The following PHACTR3 variants were observed in gnomAD, a reference collection of about 807,000 sequenced individuals.
The protein encoded by PHACTR3 is phosphatase and actin regulator 3, also known as protein phosphatase 1, regulatory subunit 123.
Under a neutral mutation model 66.8 loss-of-function variants are expected in PHACTR3, and 16 were observed. That is an observed-to-expected ratio of 0.24 (90% confidence interval 0.16 to 0.36). PHACTR3 has a LOEUF of 0.36. Among genes scored for constraint, PHACTR3 ranks in the 10% least tolerant of loss-of-function variants. PHACTR3 has a pLI of 1.00. For missense variants in PHACTR3, 647 were observed against 719.9 expected, an observed-to-expected ratio of 0.90 and a Z score of 1.16; for synonymous variants, 323 against 292.1, an observed-to-expected ratio of 1.11 and a Z score of -1.08.
chr20:59,653,347 G>C (rs1601013927), intron 1 of PHACTR3, among the ~76,000 whole-genome samples: 1 of 152,006 alleles, frequency 6.6e-6, no homozygotes, highest in African/African-American at 2.4e-5. Flanking sequence ...ACCATGCCTG[G>C]TTAATTTTTG....
At chr20:59,840,059 GAC>G (rs2059030845) in intron 9 of PHACTR3, among the ~76,000 whole-genome samples, 1 of 152,148 alleles carries the variant, frequency 6.6e-6, no homozygotes, top group Non-Finnish European at 1.5e-5. Context: ...GAGAAAGACA[GAC>G]ACAGAGGTGT....
intron 7 of PHACTR3, among the ~76,000 whole-genome samples, chr20:59,781,285 G>A (rs919628059): frequency 1.3e-5 from 2 of 152,174 alleles, no homozygotes; most frequent in South Asian, 2.1e-4. Context: ...ACAGGCTGGC[G>A]GGGACCTTTG....
At chr20:59,587,188 C>T (rs1227297708) in intron 1 of PHACTR3, among the ~76,000 whole-genome samples, 1 of 152,242 alleles carries the variant, frequency 6.6e-6, no homozygotes, top group African/African-American at 2.4e-5. Flanking sequence ...GGATGGTTCT[C>T]TCCACCTGTC....
intron 1 of PHACTR3, among the ~76,000 whole-genome samples, chr20:59,711,347 A>G (rs192750073): frequency 6.6e-6 from 1 of 152,268 alleles, no homozygotes; most frequent in East Asian, 1.9e-4. Context: ...CTTGACACAC[A>G]TTGCCAAACG....
chr20:59,744,945 G>C (rs1018295563), intron 2 of PHACTR3, among the ~76,000 whole-genome samples: 4 of 152,198 alleles, frequency 2.6e-5, no homozygotes, highest in African/African-American at 9.6e-5. Flanking sequence ...GGCTCAGCTA[G>C]GTGGGCGGGT....
At position 59,806,119 on chromosome 20, in the gene PHACTR3, A is replaced by T. The variant is rs751031948; in HGVS notation, c.1253A>T (p.Asp418Val). Residue 418 changes from aspartate (D) to valine (V), a missense_variant, in exon 8 of 13, where the codon GAC (aspartate) becomes GTC (valine). Physicochemically the swap from Asp to Val is radical, Grantham distance 152. Around this residue, in one of 2 missense-constraint regions of PHACTR3, gnomAD observed 577 missense variants for 571.1 expected, o/e 1.01. Transcript: ENST00000371015. ...CGGCCAAGCAAACAGGAACTAGAAG[A>T]CCGGAACATTTTCCCCAGAAGGACT... ...RNRPSKQELEDRNIFPRRTDE... is the reference protein window; with the variant it reads ...RNRPSKQELEVRNIFPRRTDE... 1 of 1,614,226 alleles carries T rather than the reference A, an allele frequency of 6.2e-7. No homozygotes were observed. Among genetic ancestry groups the T allele is most frequent in the Non-Finnish European group, 8.5e-7 (1 of 1,180,038 alleles).
chr20:59,821,591 G>C (rs1455932986), intron 8 of PHACTR3, among the ~76,000 whole-genome samples: 1 of 152,202 alleles, frequency 6.6e-6, no homozygotes, highest in African/African-American at 2.4e-5. Context: ...GGCATAAGAA[G>C]GGGAGAAGGG....
chr20:59,583,165 A>G (rs1001846343), intron 1 of PHACTR3, among the ~76,000 whole-genome samples: 1 of 152,136 alleles, frequency 6.6e-6, no homozygotes, highest in Non-Finnish European at 1.5e-5. Context: ...CTTATCTACT[A>G]TAACGTGTGT....
intron 1 of PHACTR3, among the ~76,000 whole-genome samples, chr20:59,684,625 G>T (rs1179451234): frequency 6.6e-6 from 1 of 152,178 alleles, no homozygotes; most frequent in East Asian, 1.9e-4. Context: ...AGGGATTTTG[G>T]ATCTCTGAGG....
intron 1 of PHACTR3, among the ~76,000 whole-genome samples, chr20:59,706,645 G>C (rs578163435): frequency 1.6e-3 from 249 of 152,362 alleles, no homozygotes; most frequent in African/African-American, 5.8e-3. Context: ...CCAAGAGCTG[G>C]TAATTGGGGA....
intron 1 of PHACTR3, among the ~76,000 whole-genome samples, chr20:59,718,345 T>C (rs908983307): frequency 2.0e-5 from 3 of 152,166 alleles, no homozygotes; most frequent in African/African-American, 7.2e-5. Context: ...ATCATTTCCA[T>C]CTGGTCCTGT....
chr20:59,812,809 G>T (rs1475121107), intron 8 of PHACTR3, among the ~76,000 whole-genome samples: 1 of 152,190 alleles, frequency 6.6e-6, no homozygotes, highest in Non-Finnish European at 1.5e-5. Context: ...AGGGTCTGCC[G>T]TGACGCTGGG....
intron 1 of PHACTR3, among the ~76,000 whole-genome samples, chr20:59,588,572 G>A (rs1319800097): frequency 6.6e-6 from 1 of 152,164 alleles, no homozygotes; most frequent in Non-Finnish European, 1.5e-5. Context: ...ACTCATGCTG[G>A]GGCAAGAGGC....
intron 5 of PHACTR3, among the ~76,000 whole-genome samples, chr20:59,772,818 A>G (rs915024609): frequency 2.0e-5 from 3 of 152,158 alleles, no homozygotes; most frequent in Non-Finnish European, 4.4e-5. Flanking sequence ...TTTATTCCTT[A>G]CTGTTCTGGG....
chr20:59,592,949 C>T (rs1457985528), intron 1 of PHACTR3, among the ~76,000 whole-genome samples: 1 of 152,144 alleles, frequency 6.6e-6, no homozygotes, highest in African/African-American at 2.4e-5. Flanking sequence ...AATAAAGTTG[C>T]TATAAGAATC....
intron 1 of PHACTR3, among the ~76,000 whole-genome samples, chr20:59,624,182 G>T (rs2034364908): frequency 6.6e-6 from 1 of 152,074 alleles, no homozygotes; most frequent in Non-Finnish European, 1.5e-5. Flanking sequence ...GTGCTCTCAT[G>T]GGTGTTTGGA....
chr20:59,768,748 G>T (rs900508551), intron 5 of PHACTR3, among the ~76,000 whole-genome samples: 1 of 152,234 alleles, frequency 6.6e-6, no homozygotes, highest in African/African-American at 2.4e-5. Flanking sequence ...GTTCAATCTG[G>T]AGGGGACTCT....
chr20:59,772,995 G>C (rs1365802636), intron 5 of PHACTR3, among the ~76,000 whole-genome samples: 1 of 152,154 alleles, frequency 6.6e-6, no homozygotes, highest in Non-Finnish European at 1.5e-5. Context: ...CAGGAAGGAG[G>C]CTTTTCTAAG....
At chr20:59,691,920 A>T (rs1218762488) in intron 1 of PHACTR3, among the ~76,000 whole-genome samples, 1 of 152,184 alleles carries the variant, frequency 6.6e-6, no homozygotes, top group East Asian at 1.9e-4. Flanking sequence ...GGTACCCAGA[A>T]ATTACTTAAT....
Sources: allele counts gnomAD v4.1 joint callset (sites outside exome capture counted in the v4.1 genomes callset), GRCh38; gene constraint gnomAD v4.1.1; regional missense constraint gnomAD v4.1.1; transcripts MANE v1.5; gene names NCBI Gene and HGNC (gene_info 2026-07-23, HGNC 2026-07-21).